CEP128: variants seen among roughly 807,000 people sequenced by gnomAD.
CEP128 encodes the protein centrosomal protein 128kDa.
Under a neutral mutation model 156.7 loss-of-function variants are expected in CEP128, and 132 were observed. The observed-to-expected ratio is 0.84, with a 90% CI of 0.73 to 0.97. The LOEUF (loss-of-function observed/expected upper bound fraction) is 0.97, where lower values mean the gene tolerates loss of function less well. Among genes scored for constraint, CEP128 ranks in the 50% least tolerant of loss-of-function variants. CEP128 has a pLI of 0.00. For synonymous variants in CEP128, 469 were observed against 448.9 expected (o/e 1.04, Z -0.57); for missense variants, 1,252 against 1,281.9 (o/e 0.98, Z 0.36).
intron 8 of CEP128, among the ~76,000 whole-genome samples, chr14:80,882,513 G>A (rs80278306): frequency 6.6e-6 from 1 of 151,988 alleles, no homozygotes; most frequent in Non-Finnish European, 1.5e-5. Context: ...TGGTATGAAG[G>A]GTCCTCAAAA....
intron 19 of CEP128, among the ~76,000 whole-genome samples, chr14:80,615,452 T>C (rs1399451999): frequency 6.6e-6 from 1 of 152,128 alleles, no homozygotes; most frequent in Non-Finnish European, 1.5e-5. Context: ...TTCTTAGCAG[T>C]GAACATGCGA....
At chr14:80,837,480 A>G (rs770898067) in intron 11 of CEP128, among the ~76,000 whole-genome samples, 2 of 152,156 alleles carry the variant, frequency 1.3e-5, no homozygotes, top group Admixed American at 1.3e-4. Flanking sequence ...GCACTTTGGG[A>G]GGCCGAGGTG....
At chr14:80,849,999 C>T (rs1159046267) in intron 9 of CEP128, among the ~76,000 whole-genome samples, 1 of 151,870 alleles carries the variant, frequency 6.6e-6, no homozygotes, top group Non-Finnish European at 1.5e-5. Flanking sequence ...GAAAAAAATG[C>T]TCATATCAAA....
intron 20 of CEP128, among the ~76,000 whole-genome samples, chr14:80,565,273 CA>C (rs1356555612): frequency 6.6e-6 from 1 of 152,074 alleles, no homozygotes; most frequent in Non-Finnish European, 1.5e-5. Flanking sequence ...CCATCCCACC[CA>C]AAAACAGAAG....
upstream of CEP128, among the ~76,000 whole-genome samples, chr14:80,946,141 G>A (rs117023420): frequency 4.6e-5 from 7 of 152,134 alleles, no homozygotes; most frequent in African/African-American, 1.7e-4. Flanking sequence ...ATTAATGTGT[G>A]TAAAGCACTA....
intron 19 of CEP128, among the ~76,000 whole-genome samples, chr14:80,696,946 T>G (rs567017362): frequency 5.9e-5 from 9 of 152,254 alleles, no homozygotes; most frequent in African/African-American, 2.2e-4. Context: ...AAAACAGAAG[T>G]ATTAAGAATA....
intron 9 of CEP128, among the ~76,000 whole-genome samples, chr14:80,847,733 T>C (rs1399045911): frequency 6.6e-6 from 1 of 152,202 alleles, no homozygotes; most frequent in Non-Finnish European, 1.5e-5. Flanking sequence ...AGATATTCTG[T>C]AGACTACACA....
chr14:80,514,732 G>T, intron 23 of CEP128: 1 of 343,742 alleles, frequency 2.9e-6, no homozygotes, highest in Non-Finnish European at 5.9e-6. Context: ...GTGTTATTTA[G>T]TTTGTCTGGT....
At chr14:80,854,513 AG>A (rs897132035) in intron 9 of CEP128, among the ~76,000 whole-genome samples, 24 of 152,306 alleles carry the variant, frequency 1.6e-4, no homozygotes, top group African/African-American at 5.3e-4. Flanking sequence ...AAAAATATAA[AG>A]GGATACCTTC....
intron 19 of CEP128, among the ~76,000 whole-genome samples, chr14:80,664,797 T>G (rs922524407): frequency 2.0e-5 from 3 of 152,172 alleles, no homozygotes; most frequent in African/African-American, 7.2e-5. Flanking sequence ...TAAAGGAGGT[T>G]TACTTTAACA....
intron 9 of CEP128, among the ~76,000 whole-genome samples, chr14:80,860,962 G>A (rs563451739): frequency 2.6e-5 from 4 of 151,812 alleles, no homozygotes; most frequent in Admixed American, 2.6e-4. Flanking sequence ...TGTGTTTCTT[G>A]TTGTTTCTAC....
intron 19 of CEP128, among the ~76,000 whole-genome samples, chr14:80,628,868 G>A (rs1381272877): frequency 6.6e-6 from 1 of 152,108 alleles, no homozygotes; most frequent in Admixed American, 6.6e-5. Context: ...CAGGCAGCAT[G>A]GGTGAAAATG....
intron 12 of CEP128, among the ~76,000 whole-genome samples, chr14:80,834,790 A>G (rs958099536): frequency 4.6e-5 from 7 of 152,218 alleles, no homozygotes; most frequent in African/African-American, 1.7e-4. Flanking sequence ...TTGTTTAAAA[A>G]CAAGTGATAT....
In CEP128 at chr14:80,597,948, T is replaced by TAA. The variant is rs202140927; in HGVS notation, c.2807-17526_2807-17525insTT. Among the ~76,000 whole-genome samples, 44 of 26,546 alleles carry TAA rather than the reference T, an allele frequency of 1.7e-3. 1 individual carries two copies. The highest frequency in any genetic ancestry group is 2.5e-3 in the Non-Finnish European group (35 of 14,200). The allele number at this position is 26,546 out of a possible 152,430, so 17.4% of individuals were successfully genotyped here. A position where few individuals can be genotyped will look rare whatever the true frequency, so the allele number is the denominator to read the frequency against. On this transcript the variant is annotated intron_variant, in intron 19 of 24. Coordinates refer to ENST00000555265, the MANE Select transcript of CEP128 (RefSeq NM_152446.5). Reference sequence around the variant, plus strand: ...AGGAACTAGAAGGGAATTCCTCAGCTACAAAAAAAAAAAAAAAAAAAACAA... The same window carrying TAA: ...AGGAACTAGAAGGGAATTCCTCAGCTAAACAAAAAAAAAAAAAAAAAAAACAA...
intron 2 of CEP128, among the ~76,000 whole-genome samples, chr14:80,927,129 G>A (rs569145539): frequency 6.6e-5 from 10 of 152,320 alleles, no homozygotes; most frequent in South Asian, 6.2e-4. Flanking sequence ...TGGTCTGGCC[G>A]TCAGAAACTG....
intron 24 of CEP128, 79 bp downstream of exon 24, chr14:80,504,833 C>T: frequency 1.6e-6 from 1 of 618,106 alleles, no homozygotes; most frequent in Non-Finnish European, 2.8e-6. Flanking sequence ...CTATCATATA[C>T]TGGCCTTAAA....
At chr14:80,853,059 C>G (rs992388086) in intron 9 of CEP128, among the ~76,000 whole-genome samples, 1 of 151,710 alleles carries the variant, frequency 6.6e-6, no homozygotes, top group African/African-American at 2.4e-5. Context: ...GCAAGAATAT[C>G]TGATAAATTT....
chr14:80,508,101 A>C (rs1888067287), intron 23 of CEP128, among the ~76,000 whole-genome samples: 1 of 151,924 alleles, frequency 6.6e-6, no homozygotes, highest in African/African-American at 2.4e-5. Flanking sequence ...TTTTTAGTAG[A>C]GACAGGGTTT....
At chr14:80,538,980 G>A (rs375070387) in intron 21 of CEP128, among the ~76,000 whole-genome samples, 27 of 152,170 alleles carry the variant, frequency 1.8e-4, no homozygotes, top group African/African-American at 6.3e-4. Context: ...GGGAATATAT[G>A]TCCCCAGCAT....
Sources: gnomAD v4.1 joint callset for allele counts (sites outside exome capture counted in the v4.1 genomes callset) on GRCh38, gnomAD v4.1.1 for gene constraint, MANE v1.5 for transcripts, NCBI Gene and HGNC (gene_info 2026-07-23, HGNC 2026-07-21) for gene names.